LPIN1: variants seen among roughly 807,000 people sequenced by gnomAD.
The protein encoded by LPIN1 is lipin 1, also known as phosphatidate phosphatase LPIN1.
A neutral mutation model predicts 107.5 loss-of-function variants in LPIN1; 71 were observed. That is an observed-to-expected ratio of 0.66 (90% confidence interval 0.55 to 0.80). The LOEUF (loss-of-function observed/expected upper bound fraction) is 0.80. Ranked by LOEUF, LPIN1 falls within the 30% of genes least tolerant of loss-of-function variation. The pLI is 0.00. For synonymous variants in LPIN1, 445 were observed against 452.6 expected, an observed-to-expected ratio of 0.98 and a Z score of 0.21; for missense variants, 1,043 against 1,160.6, an observed-to-expected ratio of 0.90 and a Z score of 1.47.
At chr2:11,819,633 A>T in intron 19 of LPIN1, 35 bp downstream of exon 19, 1 of 1,429,078 alleles carries the variant, frequency 7.0e-7, no homozygotes, top group Non-Finnish European at 9.9e-7. Flanking sequence ...GAACCCTTGA[A>T]ATGACTGCCT....
upstream of LPIN1, among the ~76,000 whole-genome samples, chr2:11,743,538 C>T (rs572894258): frequency 2.0e-5 from 3 of 152,254 alleles, no homozygotes; most frequent in Admixed American, 2.0e-4. The surrounding 1 kb of genome is among the most constrained non-coding windows in gnomAD (Gnocchi z 4.7). Flanking sequence ...CCACCTGGTT[C>T]TTAAGAGAGT....
At chr2:11,800,873 A>G (rs1267626738) in intron 14 of LPIN1, among the ~76,000 whole-genome samples, 2 of 152,168 alleles carry the variant, frequency 1.3e-5, no homozygotes, top group East Asian at 1.9e-4. Context: ...AGCTCCTTGT[A>G]TATATACTGG....
intron 1 of LPIN1, among the ~76,000 whole-genome samples, chr2:11,698,242 C>G (rs1312963547): frequency 2.0e-5 from 3 of 152,194 alleles, no homozygotes; most frequent in Non-Finnish European, 4.4e-5. Context: ...GCACGTGGCC[C>G]TCATTCCTGA....
chr2:11,768,900 C>T (rs751363487), intron 3 of LPIN1, among the ~76,000 whole-genome samples: 5 of 152,214 alleles, frequency 3.3e-5, no homozygotes, highest in African/African-American at 4.8e-5. Flanking sequence ...CGCGCCACTG[C>T]ACTCCAGCCT....
chr2:11,697,604 T>A lies in LPIN1; in HGVS notation c.82-16152T>A, dbSNP rs970446719. ...GACTCCTTCCCTTGCCTGCCACTGGTAGTGACCTGGCCTGGGGACAGGGAA... is the reference window on the plus strand; with the variant it reads ...GACTCCTTCCCTTGCCTGCCACTGGAAGTGACCTGGCCTGGGGACAGGGAA... On this transcript the variant is annotated intron_variant, in intron 1 of 21. Coordinates refer to the LPIN1 transcript ENST00000449576. This position sits in a 1 kb window ranked among gnomAD's most constrained non-coding sequence, Gnocchi z 4.6. Among the ~76,000 whole-genome samples, 10 of 152,152 alleles carry A rather than the reference T, an allele frequency of 6.6e-5. No homozygotes were observed. The highest frequency in any genetic ancestry group is 2.4e-4 in the African/African-American group (10 of 41,430).
At chr2:11,696,251 C>T (rs1662573709) in intron 1 of LPIN1, among the ~76,000 whole-genome samples, 1 of 147,742 alleles carries the variant, frequency 6.8e-6, no homozygotes, top group African/African-American at 2.5e-5. Flanking sequence ...TCTCATTGTT[C>T]AATTCCCACT....
chr2:11,820,588 G>A, intron 20 of LPIN1, 74 bp downstream of exon 20: 1 of 1,106,834 alleles, frequency 9.0e-7, no homozygotes, highest in African/African-American at 1.5e-5. Context: ...CCAGTTTGCG[G>A]TGTACCTTTT....
intron 6 of LPIN1, 71 bp downstream of exon 6, chr2:11,776,264 C>A: frequency 5.3e-6 from 5 of 947,172 alleles, no homozygotes; most frequent in Non-Finnish European, 6.3e-6. Flanking sequence ...TACTATAAGT[C>A]TATTTTACCA....
At chr2:11,730,199 G>C (rs1049844944) in intron 1 of LPIN1, among the ~76,000 whole-genome samples, 1 of 151,958 alleles carries the variant, frequency 6.6e-6, no homozygotes, top group Non-Finnish European at 1.5e-5. Flanking sequence ...CTGTGTTTCA[G>C]TTTGGGTAAT....
intron 1 of LPIN1, among the ~76,000 whole-genome samples, chr2:11,764,543 G>A (rs533163157): frequency 6.6e-6 from 1 of 152,376 alleles, no homozygotes; most frequent in South Asian, 2.1e-4. Context: ...CCCAGGCCCT[G>A]TAGAGGAGAG....
chr2:11,733,371 A>G (rs1156637858), intron 1 of LPIN1, among the ~76,000 whole-genome samples: 2 of 152,206 alleles, frequency 1.3e-5, no homozygotes, highest in Non-Finnish European at 2.9e-5. Flanking sequence ...GTGTATGGAC[A>G]CAAAGACACA....
chr2:11,776,251 T>G, intron 6 of LPIN1, 58 bp downstream of exon 6: 1 of 1,106,540 alleles, frequency 9.0e-7, no homozygotes. Flanking sequence ...TTGATCTAAC[T>G]CTTACTATAA....
chr2:11,782,472 C>T lies in LPIN1; in HGVS notation c.1229C>T (p.Thr410Ile), dbSNP rs1673746420. ...CCCCCCTCTGCCAGTGTAGTCCAGA[C>T]AGCAAACAAGACGGATTCTCCTTCC... ...LKPPSASVVQ[T>I]ANKTDSPSRK... Residue 410 changes from threonine (T) to isoleucine (I), a missense_variant, in exon 8 of 21, where the codon ACA (threonine) becomes ATA (isoleucine). Thr to Ile is a moderately conservative substitution (Grantham distance 89). Coordinates refer to ENST00000674199, the MANE Select transcript of LPIN1 (RefSeq NM_001349206.2). The T allele has an allele frequency of 6.2e-7, 1 of 1,614,204 alleles. No homozygotes were observed. Among genetic ancestry groups the T allele is most frequent in the East Asian group, 2.2e-5 (1 of 44,892 alleles).
chr2:11,773,086 T>C (rs1672117605), intron 4 of LPIN1, among the ~76,000 whole-genome samples: 1 of 152,204 alleles, frequency 6.6e-6, no homozygotes. Context: ...AATTGTGAAT[T>C]GTATTTAGTA....
At chr2:11,753,777 A>G (rs1668243130) in intron 1 of LPIN1, among the ~76,000 whole-genome samples, 1 of 152,246 alleles carries the variant, frequency 6.6e-6, no homozygotes, top group African/African-American at 2.4e-5. Context: ...AACACTATTT[A>G]TAAATCAATT....
At position 11,771,130 on chromosome 2, in the gene LPIN1, A is replaced by T. The variant is rs977630655; in HGVS notation, c.289-242A>T. On this transcript the variant is annotated intron_variant, in intron 3 of 20. Coordinates refer to ENST00000674199, the MANE Select transcript of LPIN1 (RefSeq NM_001349206.2). This position sits in a 1 kb window ranked among gnomAD's most constrained non-coding sequence, Gnocchi z 4.8. ...AGAATTACCTCCCATTGTTAAAATT[A>T]CATAAATGCAGGATTGAGTACAAAG... 2.6e-5 allele frequency among the ~76,000 whole-genome samples: 4 copies of T among 152,198 alleles called. No individual in the cohort carries two copies. The highest frequency in any genetic ancestry group is 5.9e-5 in the Non-Finnish European group (4 of 68,032).
At chr2:11,759,151 T>C (rs905123541) in intron 1 of LPIN1, among the ~76,000 whole-genome samples, 1 of 147,208 alleles carries the variant, frequency 6.8e-6, no homozygotes, top group Non-Finnish European at 1.5e-5. Flanking sequence ...CTTTCTTTCT[T>C]TCTTTCTTTC....
chr2:11,800,535 G>A (rs915299284), intron 14 of LPIN1, among the ~76,000 whole-genome samples: 1 of 152,122 alleles, frequency 6.6e-6, no homozygotes, highest in Non-Finnish European at 1.5e-5. Context: ...AGCCTCCCAA[G>A]TAGCTGGACT....
At chr2:11,810,090 C>G (rs1299253554) in intron 17 of LPIN1, among the ~76,000 whole-genome samples, 1 of 152,200 alleles carries the variant, frequency 6.6e-6, no homozygotes, top group Non-Finnish European at 1.5e-5. Context: ...AGCCCCTAGA[C>G]TCTGGTTGCA....
Sources: allele counts gnomAD v4.1 joint callset (sites outside exome capture counted in the v4.1 genomes callset), GRCh38; gene constraint gnomAD v4.1.1; non-coding constraint Gnocchi (gnomAD v3.1); transcripts MANE v1.5; gene names NCBI Gene and HGNC (gene_info 2026-07-23, HGNC 2026-07-21).